Variants in PGAP3 observed in about 807,000 individuals in gnomAD.
The protein encoded by PGAP3 is GPI-specific phospholipase A2-like PGAP3.
Under a neutral mutation model 40.3 loss-of-function variants are expected in PGAP3, and 31 were observed. That is an observed-to-expected ratio of 0.77 (90% CI 0.58 to 1.04). PGAP3 has a LOEUF of 1.04. PGAP3 is among the 50% of genes least tolerant of loss of function. PGAP3 has a pLI of 0.00. For missense variants in PGAP3, 413 were observed against 423.0 expected (o/e 0.98, Z 0.21); for synonymous variants, 191 against 184.5 (o/e 1.04, Z -0.29).
intron 2 of PGAP3, among the ~76,000 whole-genome samples, chr17:39,685,249 G>A (rs567452578): frequency 6.6e-6 from 1 of 151,546 alleles, no homozygotes; most frequent in African/African-American, 2.4e-5. Flanking sequence ...AAGCTGAGGC[G>A]AGAGGGTCAC....
chr17:39,679,756 G>A (rs1010328713), intron 3 of PGAP3, among the ~76,000 whole-genome samples: 2 of 152,148 alleles, frequency 1.3e-5, no homozygotes, highest in East Asian at 1.9e-4. Flanking sequence ...CCCTCAGCCT[G>A]GCACTCAGGG....
At chr17:39,680,897 C>A (rs192484486) in intron 3 of PGAP3, among the ~76,000 whole-genome samples, 1 of 152,046 alleles carries the variant, frequency 6.6e-6, no homozygotes, top group Non-Finnish European at 1.5e-5. Context: ...CTTTGTCACC[C>A]GGGCTAGAGC....
intron 3 of PGAP3, among the ~76,000 whole-genome samples, chr17:39,680,389 CTTAAT>C (rs1188939477): frequency 6.6e-6 from 1 of 152,132 alleles, no homozygotes; most frequent in Admixed American, 6.5e-5. Context: ...GCTCCTGTTC[CTTAAT>C]TTATCACAAC....
intron 3 of PGAP3, among the ~76,000 whole-genome samples, chr17:39,678,558 T>A (rs887927105): frequency 1.3e-5 from 2 of 152,134 alleles, no homozygotes; most frequent in Non-Finnish European, 2.9e-5. Flanking sequence ...GAGGGCGGGG[T>A]CTCCTCATTT....
At chr17:39,674,557 C>T in intron 4 of PGAP3, 60 bp downstream of exon 4, 3 of 1,496,018 alleles carry the variant, frequency 2.0e-6, no homozygotes, top group Non-Finnish European at 2.7e-6. Flanking sequence ...GCCCCTCTGC[C>T]CACTTCTGGG....
chr17:39,684,851 T>G, intron 2 of PGAP3, 102 bp from the exon 3 acceptor site: 7 of 1,352,674 alleles, frequency 5.2e-6, no homozygotes, highest in Non-Finnish European at 5.9e-6. Flanking sequence ...CTCAGCTGAG[T>G]CCTCAGCTCT....
intron 3 of PGAP3, among the ~76,000 whole-genome samples, chr17:39,678,094 G>A (rs2057397059): frequency 6.6e-6 from 1 of 152,172 alleles, no homozygotes; most frequent in Non-Finnish European, 1.5e-5. Flanking sequence ...GAGAAGGAGG[G>A]CTTTTTCCAA....
intron 1 of PGAP3, among the ~76,000 whole-genome samples, 197 bp from the exon 2 acceptor site, chr17:39,686,216 T>C (rs1201990454): frequency 6.6e-6 from 1 of 152,212 alleles, no homozygotes; most frequent in Non-Finnish European, 1.5e-5. Context: ...TGTATGTACG[T>C]ATGTATGCAT....
chr17:39,675,840 T>C (rs1495102), intron 3 of PGAP3, among the ~76,000 whole-genome samples: 94,549 of 151,686 alleles, frequency 0.62, 30,244 homozygotes, highest in South Asian at 0.74. Context: ...GGCGCAAGGC[T>C]GCCTAGTGCC....
rs199516623 is a variant in PGAP3 at position 39,672,791 on chromosome 17, G to A, written c.*12C>T. The A allele has an allele frequency of 3.1e-4, 504 of 1,613,526 alleles. No individual in the cohort carries two copies. Among genetic ancestry groups the A allele is most frequent in the Non-Finnish European group, 4.0e-4 (474 of 1,179,626 alleles). On this transcript the variant is annotated 3_prime_UTR_variant, in exon 8 of 8. Transcript: ENST00000300658. ...GCAGGATCCCCACTGGGGCAGACTC[G>A]CTCCAAGGTCTTCAGTCCAGCTTGA...
rs1217347650 is a variant in PGAP3, at chr17:39,672,390, AG to A, written c.*412del. On this transcript the variant is annotated 3_prime_UTR_variant, in exon 8 of 8. Coordinates refer to ENST00000300658, the MANE Select transcript of PGAP3 (RefSeq NM_033419.5). ...GAGGAGGGTGGGGGGTGGTAACAGA[AG>A]GGGACCCCCTGTATCCCTAAGGCCT... The A allele has an allele frequency of 4.4e-6, 1 of 226,168 alleles. No homozygotes were observed. Among genetic ancestry groups the A allele is most frequent in the Non-Finnish European group, 8.8e-6 (1 of 113,948 alleles). 14.0% of individuals were successfully genotyped at this position (226,168 alleles called of 1,614,324 possible).
rs774897725 is a variant in PGAP3 at position 39,687,890 on chromosome 17, G to T, written c.125C>A (p.Ser42Tyr). ...GCGGAAGTGATTCAGAGCGCCCCCA[G>T]AGCAGTTCTGCTCTTCGCACTGCAG... ...CVLQCEEQNCSGGALNHFRSR... is the reference protein window; with the variant it reads ...CVLQCEEQNCYGGALNHFRSR... The change falls in exon 1 of 8, where the codon TCT (serine) becomes TAT (tyrosine). Residue 42 changes from serine to tyrosine, a missense_variant. Transcript: ENST00000300658. The T allele has an allele frequency of 2.6e-6, 4 of 1,514,180 alleles. No homozygotes were observed. The highest frequency in any genetic ancestry group is 3.6e-6 in the Non-Finnish European group (4 of 1,120,740). The allele number at this position is 1,514,180 out of a possible 1,614,324, so 93.8% of individuals were successfully genotyped here. A position where few individuals can be genotyped will look rare whatever the true frequency, so the allele number is the denominator to read the frequency against.
chr17:39,687,568 G>C (rs1010815042), intron 1 of PGAP3, among the ~76,000 whole-genome samples: 1 of 152,206 alleles, frequency 6.6e-6, no homozygotes, highest in African/African-American at 2.4e-5. Flanking sequence ...CAATGGGCGG[G>C]ACCCTGGTCT....
At chr17:39,687,175 C>T (rs2057555348) in intron 1 of PGAP3, among the ~76,000 whole-genome samples, 1 of 152,202 alleles carries the variant, frequency 6.6e-6, no homozygotes, top group African/African-American at 2.4e-5. Flanking sequence ...CAGGCCAGAA[C>T]TGGAAACTCC....
chr17:39,683,678 C>T (rs1395627026), intron 3 of PGAP3, among the ~76,000 whole-genome samples: 1 of 152,166 alleles, frequency 6.6e-6, no homozygotes, highest in Non-Finnish European at 1.5e-5. Flanking sequence ...TTCCCAAGGC[C>T]GTCACGGTCC....
Position 39,673,196 on chromosome 17 carries a change from G to A in PGAP3, c.754C>T (p.His252Tyr), listed in dbSNP as rs1440802425. ...WCLWNQRRLP[H>Y]VRKCVVVVLL... ...ACCACCACCACGCACTTGCGCACGT[G>A]AGGCAGCCGCCGCTGGTTCCACAGG... Residue 252 changes from histidine (H) to tyrosine (Y), a missense_variant, in exon 7 of 8, where the codon CAC (histidine) becomes TAC (tyrosine). His to Tyr is a moderately conservative substitution (Grantham distance 83, BLOSUM62 2). Transcript: ENST00000300658. The A allele has an allele frequency of 1.9e-6, 3 of 1,570,626 alleles. No homozygotes were observed. The highest frequency in any genetic ancestry group is 2.6e-6 in the Non-Finnish European group (3 of 1,158,752).
At chr17:39,677,966 T>C (rs2057394960) in intron 3 of PGAP3, among the ~76,000 whole-genome samples, 1 of 152,108 alleles carries the variant, frequency 6.6e-6, no homozygotes, top group African/African-American at 2.4e-5. Flanking sequence ...TTAAATATGA[T>C]GCCTGCTGCC....
chr17:39,677,208 A>G (rs914096905), intron 3 of PGAP3, among the ~76,000 whole-genome samples: 2 of 152,212 alleles, frequency 1.3e-5, no homozygotes, highest in Non-Finnish European at 1.5e-5. Context: ...CCTGGCACCA[A>G]GGAACTCCTC....
rs2057299838 is a variant in PGAP3 at position 39,671,132 on chromosome 17, AATTG to A, written c.*1667_*1670del. ...CTGAACAAGGGCAGGTGAGGCTTGGAATTGATTTATTAAGCACATCCCTTGCCAC... is the reference window on the plus strand; with the variant it reads ...CTGAACAAGGGCAGGTGAGGCTTGGAATTTATTAAGCACATCCCTTGCCAC... On this transcript the variant is annotated 3_prime_UTR_variant, in exon 8 of 8. Coordinates refer to ENST00000300658, the MANE Select transcript of PGAP3 (RefSeq NM_033419.5). 1 of 152,340 alleles carries A rather than the reference AATTG, an allele frequency of 6.6e-6. No individual in the cohort carries two copies. 9.4% of individuals were successfully genotyped at this position (152,340 alleles called of 1,614,324 possible).
Sources: gnomAD v4.1 joint callset for allele counts (sites outside exome capture counted in the v4.1 genomes callset) on GRCh38, gnomAD v4.1.1 for gene constraint, MANE v1.5 for transcripts, NCBI Gene and HGNC (gene_info 2026-07-23, HGNC 2026-07-21) for gene names.